CGNL1: variants seen among roughly 807,000 people sequenced by gnomAD.
CGNL1 encodes the protein cingulin-like protein 1.
Under a neutral mutation model 141.2 loss-of-function variants are expected in CGNL1, and 132 were observed. That is an observed-to-expected ratio of 0.93 (90% CI 0.81 to 1.08). The LOEUF (loss-of-function observed/expected upper bound fraction) is 1.08, where lower values mean the gene tolerates loss of function less well. CGNL1 is among the 50% of genes least tolerant of loss of function. The pLI, the probability that CGNL1 is intolerant of heterozygous loss-of-function variation, is 0.00. For missense variants in CGNL1, 1,870 were observed against 1,588.6 expected (o/e 1.18, Z -3.01); for synonymous variants, 690 against 622.1 (o/e 1.11, Z -1.63).
intron 1 of CGNL1, among the ~76,000 whole-genome samples, chr15:57,417,020 A>C (rs1461558439): frequency 1.3e-5 from 2 of 152,142 alleles, no homozygotes; most frequent in African/African-American, 4.8e-5. Flanking sequence ...ACCCTGGGCA[A>C]GTGATTTAAC....
At chr15:57,403,159 A>AG (rs2062678363) in intron 1 of CGNL1, among the ~76,000 whole-genome samples, 1 of 152,142 alleles carries the variant, frequency 6.6e-6, no homozygotes, top group Admixed American at 6.5e-5. Context: ...CTATTGACGA[A>AG]GGGGTCTGTC....
chr15:57,389,449 G>T (rs1459920868), intron 1 of CGNL1, among the ~76,000 whole-genome samples: 4 of 152,166 alleles, frequency 2.6e-5, no homozygotes, highest in Non-Finnish European at 5.9e-5. Context: ...TTTAACCCAG[G>T]ATAGTAAATG....
At chr15:57,541,249 A>G (rs2032547960) in intron 14 of CGNL1, among the ~76,000 whole-genome samples, 1 of 152,206 alleles carries the variant, frequency 6.6e-6, no homozygotes, top group African/African-American at 2.4e-5. Context: ...ATTGCAGTGG[A>G]AATTTAACCA....
intron 1 of CGNL1, among the ~76,000 whole-genome samples, chr15:57,379,541 CTCTT>C (rs1208113452): frequency 1.3e-5 from 2 of 152,162 alleles, no homozygotes; most frequent in African/African-American, 4.8e-5. Flanking sequence ...CCTCCTAACT[CTCTT>C]TCCCCGTGAA....
chr15:57,379,829 A>G (rs1192210298), intron 1 of CGNL1, among the ~76,000 whole-genome samples: 8 of 151,394 alleles, frequency 5.3e-5, no homozygotes, highest in Admixed American at 1.3e-4. Flanking sequence ...AGGAAAAAAG[A>G]AAAAAAAAGG....
At chr15:57,494,441 T>C (rs2063908425) in intron 8 of CGNL1, among the ~76,000 whole-genome samples, 1 of 152,194 alleles carries the variant, frequency 6.6e-6, no homozygotes, top group African/African-American at 2.4e-5. Context: ...TTTTCTTTGT[T>C]CCTTTTTTCT....
At chr15:57,463,692 C>T (rs1359384027) in intron 8 of CGNL1, among the ~76,000 whole-genome samples, 1 of 152,192 alleles carries the variant, frequency 6.6e-6, no homozygotes, top group Admixed American at 6.5e-5. Context: ...CTCCCCATTG[C>T]CCCAGATTTA....
At chr15:57,383,445 C>T (rs983664868) in intron 1 of CGNL1, among the ~76,000 whole-genome samples, 9 of 151,624 alleles carry the variant, frequency 5.9e-5, no homozygotes, top group Non-Finnish European at 7.4e-5. Context: ...ACTACAGGCA[C>T]GTGCCACGAC....
chr15:57,470,031 A>G (rs1312925645), intron 8 of CGNL1, among the ~76,000 whole-genome samples: 2 of 152,144 alleles, frequency 1.3e-5, no homozygotes, highest in Non-Finnish European at 2.9e-5. Context: ...AAACAGCAAA[A>G]ATTCCTCATT....
At chr15:57,474,303 G>A (rs992408540) in intron 8 of CGNL1, among the ~76,000 whole-genome samples, 15 of 152,178 alleles carry the variant, frequency 9.9e-5, no homozygotes, top group Non-Finnish European at 1.9e-4. Context: ...TTTGTTATGC[G>A]GGAATAAACA....
At chr15:57,511,390 T>G (rs2030292689) in intron 8 of CGNL1, among the ~76,000 whole-genome samples, 1 of 152,226 alleles carries the variant, frequency 6.6e-6, no homozygotes, top group Non-Finnish European at 1.5e-5. Flanking sequence ...AGTACCTAAT[T>G]GGCCTTTAGT....
At chr15:57,472,397 C>T (rs1051358808) in intron 8 of CGNL1, among the ~76,000 whole-genome samples, 31 of 151,978 alleles carry the variant, frequency 2.0e-4, no homozygotes, top group African/African-American at 6.8e-4. Context: ...ATGGAGCATC[C>T]GAAGGACAGA....
intron 1 of CGNL1, among the ~76,000 whole-genome samples, chr15:57,378,861 T>C (rs1172880358): frequency 6.6e-6 from 1 of 152,232 alleles, no homozygotes; most frequent in African/African-American, 2.4e-5. Flanking sequence ...TCCACGACCA[T>C]GCTCTGCTGC....
chr15:57,529,629 A>G (rs2031844241), intron 13 of CGNL1, among the ~76,000 whole-genome samples: 1 of 151,424 alleles, frequency 6.6e-6, no homozygotes, highest in South Asian at 2.1e-4. Context: ...GAATTTAGAG[A>G]GAGGGAGAGA....
intron 5 of CGNL1, among the ~76,000 whole-genome samples, chr15:57,451,882 A>G (rs2271406): frequency 1.3e-5 from 2 of 152,132 alleles, no homozygotes; most frequent in African/African-American, 4.8e-5. Flanking sequence ...TATATAAAAC[A>G]TCTGAACTAA....
chr15:57,377,327 C>T (rs2062375794), intron 1 of CGNL1, among the ~76,000 whole-genome samples: 1 of 152,216 alleles, frequency 6.6e-6, no homozygotes, highest in Admixed American at 6.5e-5. Flanking sequence ...GGCATTGGTT[C>T]TCAAACTTGG....
intron 13 of CGNL1, among the ~76,000 whole-genome samples, chr15:57,530,042 C>T (rs1221557324): frequency 6.6e-6 from 1 of 152,218 alleles, no homozygotes; most frequent in African/African-American, 2.4e-5. Flanking sequence ...ACTGATTATT[C>T]TAGGGCCTTA....
chr15:57,446,866 A>G (rs1271142654), intron 4 of CGNL1, among the ~76,000 whole-genome samples: 1 of 152,094 alleles, frequency 6.6e-6, no homozygotes, highest in Non-Finnish European at 1.5e-5. Flanking sequence ...TGTAATACTT[A>G]GACTCTTTTC....
chr15:57,478,239 G>T (rs1251883009), intron 8 of CGNL1: 1 of 152,244 alleles, frequency 6.6e-6, no homozygotes, highest in Non-Finnish European at 1.5e-5. Context: ...ATTGTGGTAG[G>T]AGGACAAAGG....
Sources: allele counts gnomAD v4.1 joint callset (sites outside exome capture counted in the v4.1 genomes callset), GRCh38; gene constraint gnomAD v4.1.1; transcripts MANE v1.5; gene names NCBI Gene and HGNC (gene_info 2026-07-23, HGNC 2026-07-21).